SNAP25: variants seen among roughly 807,000 people sequenced by gnomAD.
The protein encoded by SNAP25 is synaptosomal-associated protein 25.
A neutral mutation model predicts 28.7 loss-of-function variants in SNAP25; 3 were observed. That is an observed-to-expected ratio of 0.10 (90% confidence interval 0.05 to 0.27). The LOEUF (loss-of-function observed/expected upper bound fraction) is 0.27, where lower values mean the gene tolerates loss of function less well. Among genes scored for constraint, SNAP25 ranks in the 10% least tolerant of loss-of-function variants. The pLI, the probability that SNAP25 is intolerant of heterozygous loss-of-function variation, is 1.00. For missense variants in SNAP25, 117 were observed against 278.7 expected (o/e 0.42, Z 4.13); for synonymous variants, 61 against 88.1 (o/e 0.69, Z 1.72).
At chr20:10,258,226 C>T (rs751084301) in intron 1 of SNAP25, among the ~76,000 whole-genome samples, 28 of 152,220 alleles carry the variant, frequency 1.8e-4, no homozygotes, top group South Asian at 4.1e-4. Context: ...TTTATTGCTC[C>T]GTAAGATATT....
intron 6 of SNAP25, among the ~76,000 whole-genome samples, chr20:10,298,082 C>G (rs1423970243): frequency 1.3e-5 from 2 of 151,674 alleles, no homozygotes; most frequent in Admixed American, 6.6e-5. Flanking sequence ...TCAAGCCTGG[C>G]TGTACATTAG....
At chr20:10,299,456 T>G in intron 7 of SNAP25, 44 bp downstream of exon 7, 1 of 1,584,828 alleles carries the variant, frequency 6.3e-7, no homozygotes, top group Non-Finnish European at 8.6e-7. Context: ...GAGTCACTTC[T>G]GAAATGACCA....
At chr20:10,303,321 A>G (rs1418848477) in intron 7 of SNAP25, among the ~76,000 whole-genome samples, 1 of 152,176 alleles carries the variant, frequency 6.6e-6, no homozygotes, top group Non-Finnish European at 1.5e-5. Context: ...ATCAAAATCA[A>G]TGCCCTATCT....
intron 1 of SNAP25, among the ~76,000 whole-genome samples, chr20:10,237,750 A>T (rs2122713357): frequency 6.6e-6 from 1 of 152,284 alleles, no homozygotes; most frequent in East Asian, 1.9e-4. Flanking sequence ...GGTTAAGTAA[A>T]TTATCTTAAG....
chr20:10,234,176 T>G (rs906328683), intron 1 of SNAP25, among the ~76,000 whole-genome samples: 1 of 73,450 alleles, frequency 1.4e-5, no homozygotes, highest in African/African-American at 5.1e-5. Context: ...GTTTCCCCAC[T>G]ATTATTTAAT....
At chr20:10,264,194 A>T (rs1315213915) in intron 1 of SNAP25, among the ~76,000 whole-genome samples, 1 of 152,010 alleles carries the variant, frequency 6.6e-6, no homozygotes, top group Non-Finnish European at 1.5e-5. Flanking sequence ...ACCCAAGCAG[A>T]GGCCGCTTTT....
intron 1 of SNAP25, among the ~76,000 whole-genome samples, chr20:10,256,740 T>TGGAAA (rs1195384830): frequency 6.6e-6 from 1 of 151,330 alleles, no homozygotes; most frequent in Admixed American, 6.6e-5. Flanking sequence ...AGAAAGGGAA[T>TGGAAA]GGAAAGGAAA....
At chr20:10,282,865 G>T (rs182527193) in intron 3 of SNAP25, among the ~76,000 whole-genome samples, 230 of 152,294 alleles carry the variant, frequency 1.5e-3, no homozygotes, top group Non-Finnish European at 2.8e-3. Context: ...TAAAATACAG[G>T]CTAGTACAGA....
intron 1 of SNAP25, among the ~76,000 whole-genome samples, chr20:10,231,210 C>T (rs563763916): frequency 2.6e-5 from 4 of 152,088 alleles, no homozygotes; most frequent in Admixed American, 2.0e-4. Context: ...TCTACTCATC[C>T]CCTGCAATGT....
chr20:10,278,523 A>G (rs1273883800), intron 3 of SNAP25, among the ~76,000 whole-genome samples: 2 of 152,184 alleles, frequency 1.3e-5, no homozygotes, highest in African/African-American at 4.8e-5. Context: ...GGGTTGGACT[A>G]TACTTATCTT....
intron 1 of SNAP25, among the ~76,000 whole-genome samples, chr20:10,235,100 G>A (rs1311530392): frequency 6.6e-6 from 1 of 151,976 alleles, no homozygotes; most frequent in African/African-American, 2.4e-5. Flanking sequence ...GGGCATGGTG[G>A]CATGCACCAG....
chr20:10,238,661 G>A (rs2062966149), intron 1 of SNAP25, among the ~76,000 whole-genome samples: 1 of 152,114 alleles, frequency 6.6e-6, no homozygotes, highest in South Asian at 2.1e-4. Context: ...TGTAATCCCA[G>A]CACTTTGAGA....
At chr20:10,243,196 T>C (rs531390308) in intron 1 of SNAP25, among the ~76,000 whole-genome samples, 4 of 152,364 alleles carry the variant, frequency 2.6e-5, no homozygotes, top group African/African-American at 9.6e-5. Flanking sequence ...CCAACTGAAT[T>C]ACAATCTCTG....
At chr20:10,275,403 A>C in intron 1 of SNAP25, 26 bp from the exon 2 acceptor site, 1 of 1,204,446 alleles carries the variant, frequency 8.3e-7, no homozygotes, top group Non-Finnish European at 1.2e-6. Flanking sequence ...ATAAGCTCTC[A>C]TATTTTCATA....
chr20:10,291,011 G>GA (rs1198314290), intron 4 of SNAP25, among the ~76,000 whole-genome samples: 3 of 151,998 alleles, frequency 2.0e-5, no homozygotes, highest in East Asian at 1.9e-4. Flanking sequence ...CCTTAGAAAA[G>GA]AAAAAAATCT....
At chr20:10,285,520 A>G (rs1385520805) in intron 4 of SNAP25, among the ~76,000 whole-genome samples, 4 of 152,218 alleles carry the variant, frequency 2.6e-5, no homozygotes, top group Admixed American at 2.0e-4. Flanking sequence ...TCTTATCATA[A>G]TAAACAGATT....
At chr20:10,229,682 C>T (rs2122652973) in intron 1 of SNAP25, among the ~76,000 whole-genome samples, 1 of 152,208 alleles carries the variant, frequency 6.6e-6, no homozygotes, top group South Asian at 2.1e-4. Flanking sequence ...TTATGTTAGG[C>T]TATCGTTGCT....
chr20:10,222,766 C>A lies in SNAP25; in HGVS notation c.-64+3789C>A, dbSNP rs535284979. Among the ~76,000 whole-genome samples the A allele has an allele frequency of 2.6e-5, 4 of 152,284 alleles. No homozygotes were observed. In the East Asian group the frequency reaches 7.7e-4, roughly 29 times the overall value. On this transcript the variant is annotated intron_variant, in intron 1 of 7. Transcript: ENST00000254976. ...TAAGAGATGGTTAATGAAAAAAAAT[C>A]AGTCCTTACTGAAGCATCTTTTAAG...
intron 1 of SNAP25, among the ~76,000 whole-genome samples, chr20:10,226,483 C>T (rs1199838976): frequency 1.3e-5 from 2 of 152,114 alleles, no homozygotes; most frequent in African/African-American, 2.4e-5. Context: ...GGAAAACATA[C>T]ACTGGTTCCT....
Sources: allele counts gnomAD v4.1 joint callset (sites outside exome capture counted in the v4.1 genomes callset), GRCh38; gene constraint gnomAD v4.1.1; transcripts MANE v1.5; gene names NCBI Gene and HGNC (gene_info 2026-07-23, HGNC 2026-07-21).